Variants in IGF2BP3 observed in about 807,000 individuals in gnomAD.
The protein encoded by IGF2BP3 is insulin like growth factor 2 mRNA binding protein 3.
IGF2BP3 carries 9 observed loss-of-function variants against 73.8 expected under a neutral mutation model. That is an observed-to-expected ratio of 0.12 (90% CI 0.07 to 0.21). IGF2BP3 has a LOEUF of 0.21. IGF2BP3 is among the 10% of genes least tolerant of loss of function. The pLI, the probability that IGF2BP3 is intolerant of heterozygous loss-of-function variation, is 1.00. For missense variants in IGF2BP3, 542 were observed against 714.0 expected (o/e 0.76, Z 2.75); for synonymous variants, 258 against 256.7 (o/e 1.01, Z -0.05).
intron 10 of IGF2BP3, among the ~76,000 whole-genome samples, chr7:23,334,712 G>A (rs971199042): frequency 6.6e-6 from 1 of 152,190 alleles, no homozygotes; most frequent in East Asian, 1.9e-4. Flanking sequence ...TCTCAACTAC[G>A]GCTTGAAATA....
intron 10 of IGF2BP3, among the ~76,000 whole-genome samples, chr7:23,338,113 C>T (rs567879174): frequency 2.7e-4 from 41 of 152,120 alleles, no homozygotes; most frequent in Middle Eastern, 3.4e-3. Context: ...ACAGACATAA[C>T]GGCAACATCC....
intron 3 of IGF2BP3, among the ~76,000 whole-genome samples, chr7:23,405,413 T>G (rs188467591): frequency 6.6e-6 from 1 of 152,332 alleles, no homozygotes; most frequent in East Asian, 1.9e-4. Flanking sequence ...GTGATTTGCT[T>G]CTTTTTTTCC....
chr7:23,327,902 C>T (rs668279), intron 10 of IGF2BP3, among the ~76,000 whole-genome samples: 6,110 of 152,240 alleles, frequency 0.04, 203 homozygotes, highest in South Asian at 0.11. Flanking sequence ...TGATCACCAA[C>T]GGCAGAACCC....
At chr7:23,361,478 T>A in intron 5 of IGF2BP3, 56 bp downstream of exon 5, 1 of 1,437,866 alleles carries the variant, frequency 7.0e-7, no homozygotes, top group South Asian at 1.2e-5. Flanking sequence ...CCGCAAAATA[T>A]GTTACTGTAC....
At chr7:23,444,742 CAAAAAAAAA>C (rs56029431) in intron 2 of IGF2BP3, among the ~76,000 whole-genome samples, 5 of 82,888 alleles carry the variant, frequency 6.0e-5, no homozygotes, top group African/African-American at 1.4e-4. Context: ...GACTCTGTCT[CAAAAAAAAA>C]AAAAAAAAAA....
chr7:23,347,912 A>C (rs1308920009), intron 6 of IGF2BP3, 178 bp from the exon 7 acceptor site: 1 of 578,980 alleles, frequency 1.7e-6, no homozygotes, highest in Non-Finnish European at 2.9e-6. Context: ...GGCAAATTTT[A>C]ATTCTAGGAA....
chr7:23,346,712 C>T (rs971267158), intron 7 of IGF2BP3, among the ~76,000 whole-genome samples: 1 of 151,890 alleles, frequency 6.6e-6, no homozygotes, highest in African/African-American at 2.4e-5. Context: ...CCTGCCTCAG[C>T]CTCCCAAGTG....
At chr7:23,384,623 G>A (rs1237267162) in intron 3 of IGF2BP3, among the ~76,000 whole-genome samples, 1 of 152,106 alleles carries the variant, frequency 6.6e-6, no homozygotes, top group Admixed American at 6.5e-5. Flanking sequence ...GGGCGAGGTG[G>A]CTCATACTGT....
At chr7:23,318,618 A>G (rs962719713) in intron 11 of IGF2BP3, among the ~76,000 whole-genome samples, 3 of 152,198 alleles carry the variant, frequency 2.0e-5, no homozygotes, top group African/African-American at 7.2e-5. Context: ...GTCCTCTGGT[A>G]TGTTACCTTC....
intron 3 of IGF2BP3, among the ~76,000 whole-genome samples, chr7:23,370,852 T>C (rs147616257): frequency 0.054 from 8,208 of 152,058 alleles, 744 homozygotes; most frequent in African/African-American, 0.19. Flanking sequence ...TAATTTTTTG[T>C]ATTTTTAGTA....
chr7:23,373,113 C>A (rs919152019), intron 3 of IGF2BP3, among the ~76,000 whole-genome samples: 3 of 152,150 alleles, frequency 2.0e-5, no homozygotes, highest in Non-Finnish European at 4.4e-5. Flanking sequence ...CAAATCTGTC[C>A]ATAGGCAGGT....
intron 2 of IGF2BP3, among the ~76,000 whole-genome samples, chr7:23,464,638 C>T (rs574663153): frequency 7.9e-5 from 12 of 151,052 alleles, no homozygotes; most frequent in East Asian, 7.8e-4. Context: ...GAGCCGAGAT[C>T]GTGCCACTGC....
At chr7:23,414,518 T>G (rs1309321972) in intron 3 of IGF2BP3, 1 of 152,182 alleles carries the variant, frequency 6.6e-6, no homozygotes, top group African/African-American at 2.4e-5. Context: ...ACTCCTAGAA[T>G]TGGGGCAGGA....
chr7:23,412,614 C>G (rs916396960), intron 3 of IGF2BP3, among the ~76,000 whole-genome samples: 1 of 152,092 alleles, frequency 6.6e-6, no homozygotes, highest in Admixed American at 6.6e-5. Flanking sequence ...TTTCACCTTC[C>G]TCATCAGCCC....
intron 10 of IGF2BP3, among the ~76,000 whole-genome samples, chr7:23,331,517 T>A (rs539290730): frequency 1.3e-5 from 2 of 151,954 alleles, no homozygotes; most frequent in Admixed American, 6.6e-5. Context: ...AGACTCTGTC[T>A]CAAAAACAAA....
At chr7:23,435,216 C>T (rs1000871613) in intron 2 of IGF2BP3, among the ~76,000 whole-genome samples, 1 of 145,554 alleles carries the variant, frequency 6.9e-6, no homozygotes, top group East Asian at 2.1e-4. Flanking sequence ...TCGCTTGAAC[C>T]CGGGAGGCGG....
intron 10 of IGF2BP3, among the ~76,000 whole-genome samples, chr7:23,338,021 C>A (rs897469434): frequency 2.0e-5 from 3 of 151,760 alleles, no homozygotes; most frequent in Non-Finnish European, 4.4e-5. Flanking sequence ...GAATTTAAGC[C>A]ATTTTTTTTT....
At chr7:23,383,778 T>C (rs1022150398) in intron 3 of IGF2BP3, among the ~76,000 whole-genome samples, 1 of 152,206 alleles carries the variant, frequency 6.6e-6, no homozygotes, top group East Asian at 1.9e-4. Flanking sequence ...ATTTATGCAG[T>C]GGAGTATTAC....
At chr7:23,380,157 C>CTTTTTTTT (rs10571084) in intron 3 of IGF2BP3, among the ~76,000 whole-genome samples, 7 of 71,768 alleles carry the variant, frequency 9.8e-5, no homozygotes, top group Non-Finnish European at 1.3e-4. Context: ...CACTATGCCT[C>CTTTTTTTT]TTTTTTTTTT....
Sources: gnomAD v4.1 joint callset for allele counts (sites outside exome capture counted in the v4.1 genomes callset) on GRCh38, gnomAD v4.1.1 for gene constraint, MANE v1.5 for transcripts, NCBI Gene and HGNC (gene_info 2026-07-23, HGNC 2026-07-21) for gene names.